The following UTRN variants were observed in gnomAD, a reference collection of about 807,000 sequenced individuals.
The protein encoded by UTRN is dystrophin-related protein 1.
In UTRN, 283 loss-of-function variants were observed where a neutral mutation model predicts 463.9. That is an observed-to-expected ratio of 0.61 (90% confidence interval 0.55 to 0.67). The LOEUF (loss-of-function observed/expected upper bound fraction) is 0.67. Ranked by LOEUF, UTRN falls within the 30% of genes least tolerant of loss-of-function variation. The probability of loss-of-function intolerance (pLI) is 0.00; values close to 1 mark genes in which losing one functional copy is unlikely to be tolerated. For missense variants in UTRN, 3,922 were observed against 4,084.3 expected, an observed-to-expected ratio of 0.96 and a Z score of 1.08; for synonymous variants, 1,442 against 1,431.5, an observed-to-expected ratio of 1.01 and a Z score of -0.17.
chr6:144,368,023 G>A (rs1254300636), intron 2 of UTRN, among the ~76,000 whole-genome samples: 1 of 152,078 alleles, frequency 6.6e-6, no homozygotes, highest in Non-Finnish European at 1.5e-5. Context: ...CTCATGATCT[G>A]CCTGCCTTGG....
intron 50 of UTRN, 39 bp from the exon 51 acceptor site, chr6:144,577,060 G>A: frequency 6.3e-7 from 1 of 1,592,408 alleles, no homozygotes; most frequent in Non-Finnish European, 8.6e-7. Context: ...TCACAACACT[G>A]TAAGTAATGG....
intron 43 of UTRN, among the ~76,000 whole-genome samples, chr6:144,536,415 T>G (rs906280429): frequency 2.6e-5 from 4 of 152,284 alleles, no homozygotes; most frequent in Non-Finnish European, 5.9e-5. Flanking sequence ...ATTACTTGTT[T>G]TAGTCTTAGT....
At chr6:144,470,532 A>G (rs1790470020) in intron 23 of UTRN, among the ~76,000 whole-genome samples, 1 of 149,560 alleles carries the variant, frequency 6.7e-6, no homozygotes, top group Non-Finnish European at 1.5e-5. Flanking sequence ...GATGCTCCTC[A>G]CTTCCTAGAC....
chr6:144,742,799 T>A (rs1257281772), intron 54 of UTRN, among the ~76,000 whole-genome samples: 1 of 152,222 alleles, frequency 6.6e-6, no homozygotes, highest in Non-Finnish European at 1.5e-5. Flanking sequence ...TCTTTTCTTC[T>A]ACCAAATTGT....
intron 2 of UTRN, among the ~76,000 whole-genome samples, chr6:144,305,827 G>A (rs1480326228): frequency 6.6e-6 from 1 of 152,238 alleles, no homozygotes. Flanking sequence ...GTTCCTGGAC[G>A]GATGCTCAGC....
intron 53 of UTRN, among the ~76,000 whole-genome samples, chr6:144,716,328 A>G (rs1012160307): frequency 1.3e-5 from 2 of 151,782 alleles, no homozygotes; most frequent in Non-Finnish European, 2.9e-5. Context: ...ATACCTTTGA[A>G]TGCTAGTTGA....
intron 51 of UTRN, among the ~76,000 whole-genome samples, chr6:144,613,071 G>C (rs185828749): frequency 1.3e-5 from 2 of 151,976 alleles, no homozygotes; most frequent in Non-Finnish European, 2.9e-5. Context: ...AAATGAGCCT[G>C]GAAGTCATTA....
intron 58 of UTRN, among the ~76,000 whole-genome samples, chr6:144,758,865 A>T (rs1562871825): frequency 6.6e-6 from 1 of 152,080 alleles, no homozygotes; most frequent in African/African-American, 2.4e-5. Flanking sequence ...GCTCTGTCTC[A>T]GGTTAGCTGT....
intron 52 of UTRN, among the ~76,000 whole-genome samples, chr6:144,681,125 G>A (rs1169146021): frequency 6.6e-6 from 1 of 152,164 alleles, no homozygotes; most frequent in Non-Finnish European, 1.5e-5. Flanking sequence ...AAGAGAGATT[G>A]AGCAGATAAT....
At chr6:144,329,255 G>C (rs988578408) in intron 2 of UTRN, among the ~76,000 whole-genome samples, 2 of 151,734 alleles carry the variant, frequency 1.3e-5, no homozygotes, top group Non-Finnish European at 2.9e-5. Flanking sequence ...GCTAATTTTT[G>C]TATTTTTAGT....
chr6:144,423,912 A>T (rs1785073036), intron 5 of UTRN, 74 bp from the exon 6 acceptor site: 2 of 1,481,276 alleles, frequency 1.4e-6, no homozygotes, highest in South Asian at 1.2e-5. Flanking sequence ...ATGTGCTAAA[A>T]TAAAAACCTG....
intron 32 of UTRN, among the ~76,000 whole-genome samples, chr6:144,491,600 ATAG>A: frequency 6.6e-6 from 1 of 152,338 alleles, no homozygotes; most frequent in Middle Eastern, 3.4e-3. Context: ...ATTCAATTGA[ATAG>A]AAATTTAAAA....
At chr6:144,343,370 A>G (rs575171895) in intron 2 of UTRN, among the ~76,000 whole-genome samples, 5 of 66,780 alleles carry the variant, frequency 7.5e-5, no homozygotes, top group African/African-American at 3.2e-4. Context: ...CTAAACACAC[A>G]CACACACACA....
Position 144,327,734 on chromosome 6 carries a change from G to T in UTRN, c.79+35827G>T, listed in dbSNP as rs191407721. On this transcript the variant is annotated intron_variant, in intron 2 of 74. Transcript: ENST00000367545. ...CGAGTGGGTGGATCTCCTGAGGTCAGGAGTTCGAGACCAGCCTGGCCAACA... is the reference window on the plus strand; with the variant it reads ...CGAGTGGGTGGATCTCCTGAGGTCATGAGTTCGAGACCAGCCTGGCCAACA... Among the ~76,000 whole-genome samples the T allele has an allele frequency of 1.4e-3, 218 of 152,200 alleles. 4 individuals are homozygous for T. Among genetic ancestry groups the T allele is most frequent in the Middle Eastern group, 0.014 (4 of 294 alleles).
At chr6:144,323,421 T>G (rs2114588725) in intron 2 of UTRN, among the ~76,000 whole-genome samples, 1 of 152,308 alleles carries the variant, frequency 6.6e-6, no homozygotes, top group Admixed American at 6.5e-5. Flanking sequence ...TCCCTCCAAT[T>G]AATGATGGGC....
At chr6:144,757,393 CACA>C (rs946167391) in intron 57 of UTRN, among the ~76,000 whole-genome samples, 4 of 151,920 alleles carry the variant, frequency 2.6e-5, no homozygotes, top group African/African-American at 7.2e-5. Flanking sequence ...CTTGGTTCTT[CACA>C]ACTTTTTGCC....
At chr6:144,483,241 G>T (rs760297121) in intron 27 of UTRN, among the ~76,000 whole-genome samples, 42 of 152,178 alleles carry the variant, frequency 2.8e-4, no homozygotes, top group Non-Finnish European at 4.3e-4. Context: ...ATTGAGGCAA[G>T]TTAGTAAGAA....
chr6:144,671,473 G>A (rs1781023785), intron 51 of UTRN, among the ~76,000 whole-genome samples: 1 of 151,900 alleles, frequency 6.6e-6, no homozygotes, highest in Admixed American at 6.6e-5. Context: ...CTACTGATTT[G>A]TGTACATTCA....
At chr6:144,506,971 AT>A (rs2128588288) in intron 34 of UTRN, among the ~76,000 whole-genome samples, 1 of 151,390 alleles carries the variant, frequency 6.6e-6, no homozygotes, top group Admixed American at 6.6e-5. Context: ...CATTTTCATT[AT>A]TTTTTCTCTA....
Sources: gnomAD v4.1 joint callset for allele counts (sites outside exome capture counted in the v4.1 genomes callset) on GRCh38, gnomAD v4.1.1 for gene constraint, MANE v1.5 for transcripts, NCBI Gene and HGNC (gene_info 2026-07-23, HGNC 2026-07-21) for gene names.